Variants in GRIP1 observed in about 807,000 individuals in gnomAD.
GRIP1 encodes the protein glutamate receptor interacting protein 1.
A neutral mutation model predicts 129.9 loss-of-function variants in GRIP1; 45 were observed. The observed-to-expected ratio is 0.35, with a 90% confidence interval of 0.27 to 0.44. The LOEUF (loss-of-function observed/expected upper bound fraction) is 0.44. Ranked by LOEUF, GRIP1 falls within the 20% of genes least tolerant of loss-of-function variation. The pLI is 1.00. For missense variants in GRIP1, 1,196 were observed against 1,396.8 expected (o/e 0.86, Z 2.29); for synonymous variants, 530 against 520.8 (o/e 1.02, Z -0.24).
At chr12:66,585,152 G>A (rs1352113469) in intron 2 of GRIP1, among the ~76,000 whole-genome samples, 2 of 146,640 alleles carry the variant, frequency 1.4e-5, no homozygotes, top group East Asian at 4.0e-4. Context: ...TGCACATTGT[G>A]CAGGTTAGTT....
chr12:66,622,068 A>G (rs974828158), intron 1 of GRIP1, among the ~76,000 whole-genome samples: 3 of 152,094 alleles, frequency 2.0e-5, no homozygotes, highest in Admixed American at 1.3e-4. Flanking sequence ...TCAATAATGT[A>G]CTTTGATGTA....
At chr12:66,414,691 A>G (rs2057523144) in intron 15 of GRIP1, among the ~76,000 whole-genome samples, 1 of 152,056 alleles carries the variant, frequency 6.6e-6, no homozygotes, top group Non-Finnish European at 1.5e-5. Context: ...CCCAACTTCA[A>G]ACTATACTAC....
intron 2 of GRIP1, among the ~76,000 whole-genome samples, chr12:66,569,350 G>C (rs567595109): frequency 6.6e-6 from 1 of 152,082 alleles, no homozygotes; most frequent in African/African-American, 2.4e-5. Flanking sequence ...GGTGGCAGGC[G>C]CCTGCAATCC....
intron 1 of GRIP1, among the ~76,000 whole-genome samples, chr12:66,878,996 G>T (rs1034559221): frequency 6.6e-6 from 1 of 151,894 alleles, no homozygotes; most frequent in Non-Finnish European, 1.5e-5. Flanking sequence ...TTGAGGGGTT[G>T]GTAGCTAGGG....
chr12:66,459,622 C>A (rs1483481998), intron 9 of GRIP1, among the ~76,000 whole-genome samples: 1 of 152,196 alleles, frequency 6.6e-6, no homozygotes, highest in Non-Finnish European at 1.5e-5. Context: ...GGTTAAAGGT[C>A]ATACCATTTA....
intron 1 of GRIP1, among the ~76,000 whole-genome samples, chr12:67,019,937 T>C (rs553125631): frequency 1.2e-4 from 18 of 152,302 alleles, no homozygotes; most frequent in African/African-American, 3.6e-4. Context: ...TTAAGACTTA[T>C]AAGAAACAAA....
chr12:67,005,261 T>C (rs934590886), intron 1 of GRIP1, among the ~76,000 whole-genome samples: 1 of 152,172 alleles, frequency 6.6e-6, no homozygotes, highest in Non-Finnish European at 1.5e-5. Flanking sequence ...CCTTCTTCCA[T>C]AGCTAATCTA....
intron 2 of GRIP1, among the ~76,000 whole-genome samples, chr12:66,585,595 T>C (rs1457732292): frequency 6.9e-6 from 1 of 144,262 alleles, no homozygotes; most frequent in African/African-American, 2.6e-5. Context: ...CAGCATGATT[T>C]ATAGTCCTTT....
intron 1 of GRIP1, among the ~76,000 whole-genome samples, chr12:66,935,512 G>C (rs1413153020): frequency 6.6e-6 from 1 of 152,126 alleles, no homozygotes; most frequent in African/African-American, 2.4e-5. Context: ...CTTGTGGGGA[G>C]AGGAAAAGGT....
upstream of GRIP1, among the ~76,000 whole-genome samples, chr12:66,806,958 A>T (rs2039006056): frequency 6.6e-6 from 1 of 152,122 alleles, no homozygotes; most frequent in Admixed American, 6.5e-5. Context: ...GTAAAAGCTC[A>T]TTACAACAAT....
intron 1 of GRIP1, among the ~76,000 whole-genome samples, chr12:66,710,510 C>T (rs879026743): frequency 6.6e-6 from 1 of 151,870 alleles, no homozygotes; most frequent in African/African-American, 2.4e-5. Flanking sequence ...CTGGTATTTA[C>T]CAACTCGATT....
chr12:66,446,305 T>G (rs1175927488), intron 11 of GRIP1, among the ~76,000 whole-genome samples: 1 of 152,112 alleles, frequency 6.6e-6, no homozygotes, highest in Non-Finnish European at 1.5e-5. Flanking sequence ...TCCATGTCTT[T>G]CTCTCAGCCC....
intron 1 of GRIP1, among the ~76,000 whole-genome samples, chr12:66,601,376 C>G (rs7953305): frequency 0.56 from 85,480 of 151,964 alleles, 25,205 homozygotes; most frequent in African/African-American, 0.7. Flanking sequence ...CTCATGCTCT[C>G]AAATCCTCCA....
chr12:66,524,222 TAC>T (rs2061137442), intron 5 of GRIP1, among the ~76,000 whole-genome samples: 1 of 152,130 alleles, frequency 6.6e-6, no homozygotes, highest in African/African-American at 2.4e-5. Context: ...CAACAGAATA[TAC>T]ATTTTTTTCA....
intron 2 of GRIP1, among the ~76,000 whole-genome samples, chr12:66,581,953 A>G (rs2063402387): frequency 6.6e-6 from 1 of 152,210 alleles, no homozygotes; most frequent in Non-Finnish European, 1.5e-5. Context: ...ACACAACGAA[A>G]AAAGAGAATT....
At position 66,675,964 on chromosome 12, in the gene GRIP1, A is replaced by C. The variant is rs1470337488; in HGVS notation, c.55+2886T>G. Among the ~76,000 whole-genome samples the C allele has an allele frequency of 2.0e-5, 3 of 152,198 alleles. No homozygotes were observed. In the East Asian group the frequency reaches 5.8e-4, roughly 29 times the overall value. On this transcript the variant is annotated intron_variant, in intron 1 of 24. Coordinates refer to ENST00000359742, the MANE Select transcript of GRIP1 (RefSeq NM_001366722.1). ...TAATAAGAAAATGACTCAATTCCCA[A>C]GTCAGAGAAGTGCTAAGTTTACCTG...
In GRIP1 at chr12:67,054,930, A is replaced by G. The variant is rs1179727282; in HGVS notation, c.58+14120T>C. Among the ~76,000 whole-genome samples, 4 of 152,174 alleles carry G rather than the reference A, an allele frequency of 2.6e-5. No individual in the cohort carries two copies. The East Asian group carries it at 7.7e-4, about 29-fold the overall frequency. ...CTGAATAAAGTACTTCCAGTAGGGG[A>G]CTAATTATCTCAAATGTTGCCTACT... On this transcript the variant is annotated intron_variant, in intron 1 of 1. Coordinates refer to the GRIP1 transcript ENST00000643019.
intron 15 of GRIP1, among the ~76,000 whole-genome samples, chr12:66,418,750 C>T (rs1369798885): frequency 6.6e-6 from 1 of 152,152 alleles, no homozygotes; most frequent in African/African-American, 2.4e-5. Context: ...GAGATATCAT[C>T]TGACCCGAGT....
chr12:66,414,697 A>G lies in GRIP1; in HGVS notation c.1838+6023T>C, dbSNP rs537767905. Among the ~76,000 whole-genome samples the G allele has an allele frequency of 1.7e-4, 26 of 152,174 alleles. No individual in the cohort carries two copies. In the East Asian group the frequency reaches 1.7e-3, roughly 10 times the overall value. The stretch of plus-strand genomic sequence containing the variant: ...ATCATGCTACCCAACTTCAAACTAT[A>G]CTACAAGGCTACAGTAACCAAAACA... On this transcript the variant is annotated intron_variant, in intron 15 of 24. Coordinates refer to ENST00000359742, the MANE Select transcript of GRIP1 (RefSeq NM_001366722.1).
Sources: allele counts gnomAD v4.1 joint callset (sites outside exome capture counted in the v4.1 genomes callset), GRCh38; gene constraint gnomAD v4.1.1; transcripts MANE v1.5; gene names NCBI Gene and HGNC (gene_info 2026-07-23, HGNC 2026-07-21).